The following CDCA5 variants were observed in gnomAD, a reference collection of about 807,000 sequenced individuals.
CDCA5 encodes cell division cycle associated 5.
CDCA5 carries 14 observed loss-of-function variants against 25.7 expected under a neutral mutation model. That is an observed-to-expected ratio of 0.54 (90% CI 0.36 to 0.85). CDCA5 has a LOEUF of 0.85. Among genes scored for constraint, CDCA5 ranks in the 40% least tolerant of loss-of-function variants. The pLI is 0.01. For missense variants in CDCA5, 307 were observed against 324.5 expected (o/e 0.95, Z 0.41); for synonymous variants, 127 against 128.7 (o/e 0.99, Z 0.09).
At position 65,083,485 on chromosome 11, in the gene CDCA5, C is replaced by T. The variant is rs776473028; in HGVS notation, c.207G>A (p.Glu69=). The T allele has an allele frequency of 2.5e-6, 4 of 1,614,192 alleles. No individual in the cohort carries two copies. Among genetic ancestry groups the T allele is most frequent in the Admixed American group, 1.7e-5 (1 of 60,018 alleles). ...VLKRIVAHAV[E]VPAVQSPRRS... ...CCACAACACTCTCCTTAGCCTTTAC[C>T]TCTACAGCATGGGCCACGATCCTCT... Residue 69 remains glutamate, a splice_region_variant and synonymous_variant, in exon 3 of 6, where the codon GAG becomes GAA. Transcript: ENST00000275517.
chr11:65,061,145 T>C, the CDCA5 span, among the ~76,000 whole-genome samples: 1 of 152,238 alleles, frequency 6.6e-6, no homozygotes, highest in Admixed American at 6.5e-5. Flanking sequence ...TGCCCCTGGA[T>C]GTGCCTGCAG....
At chr11:65,061,699 T>C (rs533477265), downstream of CDCA5, among the ~76,000 whole-genome samples, 1 of 139,350 alleles carries the variant, frequency 7.2e-6, no homozygotes, top group African/African-American at 2.7e-5. Flanking sequence ...GGCGTGAACC[T>C]GGGAGGCAGA....
rs550124833 is a variant in CDCA5 at position 65,078,477 on chromosome 11, C to G, written c.*630G>C. On this transcript the variant is annotated 3_prime_UTR_variant, in exon 6 of 6. Coordinates refer to ENST00000275517, the MANE Select transcript of CDCA5 (RefSeq NM_080668.4). ...CTTCTGTGTAGTACACACTTATGGT[C>G]TGAGACCCAACTAAGGCTCCCTACA... The G allele has an allele frequency of 1.0e-6, 1 of 985,484 alleles. No homozygotes were observed. The highest frequency in any genetic ancestry group is 1.7e-5 in the African/African-American group (1 of 57,234). 61.0% of individuals were successfully genotyped at this position (985,484 alleles called of 1,614,324 possible). A position where few individuals can be genotyped will look rare whatever the true frequency, so the allele number is the denominator to read the frequency against.
chr11:65,067,904 A>G, intron 3 of CDCA5: 2 of 861,342 alleles, frequency 2.3e-6, no homozygotes, highest in Non-Finnish European at 3.3e-6. Context: ...GTCCTAGCCC[A>G]GGTTTGAATG....
downstream of CDCA5, among the ~76,000 whole-genome samples, chr11:65,076,534 T>C (rs540404812): frequency 2.0e-5 from 3 of 152,196 alleles, no homozygotes; most frequent in South Asian, 6.2e-4. Flanking sequence ...AGGCTAGCCT[T>C]GAAGAGGGGA....
At chr11:65,063,905 G>A (rs1947208128), downstream of CDCA5, among the ~76,000 whole-genome samples, 1 of 152,206 alleles carries the variant, frequency 6.6e-6, no homozygotes, top group African/African-American at 2.4e-5. Context: ...CTGCTTGGAT[G>A]CAGTGTCAAC....
At chr11:65,082,753 C>T (rs1947598222) in intron 4 of CDCA5, among the ~76,000 whole-genome samples, 1 of 152,074 alleles carries the variant, frequency 6.6e-6, no homozygotes, top group African/African-American at 2.4e-5. Flanking sequence ...TGAGCCACTG[C>T]ACCCGGCCTC....
downstream of CDCA5, among the ~76,000 whole-genome samples, chr11:65,062,836 A>G (rs549328691): frequency 3.9e-5 from 6 of 151,976 alleles, no homozygotes; most frequent in Non-Finnish European, 7.4e-5. Context: ...CTGTGGCTTC[A>G]TTTTTCTCCA....
At chr11:65,073,608 G>A (rs1261746505), downstream of CDCA5, among the ~76,000 whole-genome samples, 1 of 152,230 alleles carries the variant, frequency 6.6e-6, no homozygotes, top group African/African-American at 2.4e-5. Context: ...CTGAAGCCTG[G>A]ACACCAGCCT....
In CDCA5 at chr11:65,078,172, C is replaced by G; in HGVS notation, c.*935G>C. ...GCAAAATGCTAGTAGGTCTGGGACTCTTCAACTTTCTCTTCTAGGGCCAAG... is the reference window on the plus strand; with the variant it reads ...GCAAAATGCTAGTAGGTCTGGGACTGTTCAACTTTCTCTTCTAGGGCCAAG... On this transcript the variant is annotated 3_prime_UTR_variant, in exon 6 of 6. Coordinates refer to ENST00000275517, the MANE Select transcript of CDCA5 (RefSeq NM_080668.4). 1.0e-6 allele frequency: 1 copy of G among 985,444 alleles called. No individual in the cohort carries two copies. The highest frequency in any genetic ancestry group is 1.2e-6 in the Non-Finnish European group (1 of 829,946). 61.0% of individuals were successfully genotyped at this position (985,444 alleles called of 1,614,324 possible). A position where few individuals can be genotyped will look rare whatever the true frequency, so the allele number is the denominator to read the frequency against.
Position 65,083,501 on chromosome 11 carries a change from A to G in CDCA5, c.191T>C (p.Val64Ala). The G allele has an allele frequency of 1.9e-6, 3 of 1,614,226 alleles. No homozygotes were observed. Among genetic ancestry groups the G allele is most frequent in the Non-Finnish European group, 2.5e-6 (3 of 1,180,028 alleles). Residue 64 changes from valine to alanine, a missense_variant, in exon 3 of 6, where the codon GTG (valine) becomes GCG (alanine). By Grantham distance (64) the Val-to-Ala change is moderately conservative (BLOSUM62 0). Transcript: ENST00000275517. ...AGCCTTTACCTCTACAGCATGGGCCACGATCCTCTTTAAGACGATGGGCTT... is the reference window on the plus strand; with the variant it reads ...AGCCTTTACCTCTACAGCATGGGCCGCGATCCTCTTTAAGACGATGGGCTT... ...VRKPIVLKRI[V>A]AHAVEVPAVQ... is the part of the protein sequence containing the mutation.
intron 1 of CDCA5, among the ~76,000 whole-genome samples, chr11:65,070,071 G>C (rs1224490369): frequency 6.6e-6 from 1 of 152,244 alleles, no homozygotes; most frequent in African/African-American, 2.4e-5. Context: ...AAGGACGCAG[G>C]GGAGACCAGA....
At chr11:65,064,298 G>C (rs1354876953), downstream of CDCA5, among the ~76,000 whole-genome samples, 2 of 151,582 alleles carry the variant, frequency 1.3e-5, no homozygotes, top group Non-Finnish European at 2.9e-5. Flanking sequence ...GGTGCCTGTA[G>C]TCCCAGCTAC....
At chr11:65,076,204 C>T (rs1183096838), downstream of CDCA5, among the ~76,000 whole-genome samples, 1 of 152,220 alleles carries the variant, frequency 6.6e-6, no homozygotes, top group Non-Finnish European at 1.5e-5. Flanking sequence ...TAGCCCCGAC[C>T]TCCCAGGCTC....
chr11:65,066,690 G>C (rs1947245102), intron 5 of CDCA5: 4 of 1,288,354 alleles, frequency 3.1e-6, no homozygotes, highest in Non-Finnish European at 4.0e-6. Context: ...CTGGACAAAG[G>C]GTTGCAGGGC....
downstream of CDCA5, among the ~76,000 whole-genome samples, chr11:65,074,738 CAAAA>C (rs141129265): frequency 5.3e-5 from 2 of 38,000 alleles, no homozygotes; most frequent in Non-Finnish European, 9.9e-5. Flanking sequence ...GACCTTGTCT[CAAAA>C]AAAAAAAAAA....
downstream of CDCA5, among the ~76,000 whole-genome samples, chr11:65,062,138 T>C (rs1236330548): frequency 6.6e-6 from 1 of 152,114 alleles, no homozygotes. Flanking sequence ...CAGGCTGGTC[T>C]CAAACTCCCA....
At chr11:65,066,292 G>A, downstream of CDCA5, 16 of 1,145,404 alleles carry the variant, frequency 1.4e-5, no homozygotes, top group Non-Finnish European at 1.8e-5. Flanking sequence ...ACTTGGTGAA[G>A]CTGAAGCTTA....
In CDCA5 at chr11:65,083,556, G is replaced by C. The variant is rs369475726; in HGVS notation, c.142-6C>G. Reference sequence around the variant, plus strand: ...ACTGCAGCCGCACTGGGTGTCTGGAGAAGAGGGATGAACGTGAGCTCAACA... The same window carrying C: ...ACTGCAGCCGCACTGGGTGTCTGGACAAGAGGGATGAACGTGAGCTCAACA... On this transcript the variant is annotated splice_polypyrimidine_tract_variant and splice_region_variant and intron_variant, in intron 2 of 5. Transcript: ENST00000275517. 1.7e-5 allele frequency: 28 copies of C among 1,614,062 alleles called. No homozygotes were observed. The highest frequency in any genetic ancestry group is 1.6e-4 in the Middle Eastern group (1 of 6,084).
Sources: allele counts gnomAD v4.1 joint callset (sites outside exome capture counted in the v4.1 genomes callset), GRCh38; gene constraint gnomAD v4.1.1; transcripts MANE v1.5; gene names NCBI Gene and HGNC (gene_info 2026-07-23, HGNC 2026-07-21).